The following SMG1 variants were observed in gnomAD, a reference collection of about 807,000 sequenced individuals.
SMG1 encodes SMG1 nonsense mediated mRNA decay associated PI3K related kinase.
In SMG1, 22 loss-of-function variants were observed where a neutral mutation model predicts 419.9. That is an observed-to-expected ratio of 0.05 (90% CI 0.04 to 0.07). SMG1 has a LOEUF of 0.07. SMG1 is among the 10% of genes least tolerant of loss of function. SMG1 has a pLI of 1.00. For missense variants in SMG1, 3,185 were observed against 4,342.0 expected, an observed-to-expected ratio of 0.73 and a Z score of 7.49; for synonymous variants, 1,538 against 1,553.5, an observed-to-expected ratio of 0.99 and a Z score of 0.23.
At chr16:18,875,766 G>A in intron 13 of SMG1, 1 of 311,990 alleles carries the variant, frequency 3.2e-6, no homozygotes, top group Non-Finnish European at 5.8e-6. Context: ...AGTACCAGGG[G>A]AAGAAGAAAG....
chr16:18,876,452 T>C, intron 12 of SMG1, 59 bp from the exon 13 acceptor site: 3 of 1,506,984 alleles, frequency 2.0e-6, no homozygotes, highest in South Asian at 1.2e-5. Context: ...TAAAATTATA[T>C]GGAAAATAAA....
intron 1 of SMG1, among the ~76,000 whole-genome samples, chr16:18,923,005 G>C (rs1488913867): frequency 6.6e-6 from 1 of 152,146 alleles, no homozygotes; most frequent in Non-Finnish European, 1.5e-5. Context: ...TTGAGCCTGG[G>C]AGGTCGAGAC....
intron 1 of SMG1, among the ~76,000 whole-genome samples, chr16:18,920,070 G>A (rs907864068): frequency 4.0e-4 from 60 of 150,480 alleles, no homozygotes; most frequent in African/African-American, 1.4e-3. Context: ...CAGCCTGGGA[G>A]ACAGAGTAAA....
In SMG1 at chr16:18,819,659, A is replaced by G; in HGVS notation, c.9742-5T>C. ...TTCAAGTGCAGCTAGCTTCTCCTAT[A>G]AAAGCCAGCAGAATCTTGGTGAAGG... On this transcript the variant is annotated splice_region_variant and splice_polypyrimidine_tract_variant and intron_variant, in intron 55 of 62. Transcript: ENST00000446231. 1 of 1,548,570 alleles carries G rather than the reference A, an allele frequency of 6.5e-7. No individual in the cohort carries two copies. The highest frequency in any genetic ancestry group is 8.7e-7 in the Non-Finnish European group (1 of 1,148,106).
At chr16:18,866,384 T>C (rs1042259432) in intron 23 of SMG1, 2 of 553,036 alleles carry the variant, frequency 3.6e-6, no homozygotes, top group Non-Finnish European at 6.5e-6. Context: ...ATAAAATAAC[T>C]GACAGGTCTT....
chr16:18,872,987 C>T (rs1282580575), intron 13 of SMG1, among the ~76,000 whole-genome samples: 2 of 151,970 alleles, frequency 1.3e-5, no homozygotes, highest in Admixed American at 1.3e-4. Flanking sequence ...GACCCCATCT[C>T]TACTAAAATT....
intron 6 of SMG1, among the ~76,000 whole-genome samples, chr16:18,888,100 A>T (rs1328602733): frequency 7.0e-6 from 1 of 142,928 alleles, no homozygotes; most frequent in African/African-American, 2.6e-5. Context: ...GGGAGGCAGA[A>T]GTTGCAGTGA....
chr16:18,837,726 G>C (rs966718506), intron 45 of SMG1, among the ~76,000 whole-genome samples: 1 of 152,106 alleles, frequency 6.6e-6, no homozygotes, highest in Non-Finnish European at 1.5e-5. Flanking sequence ...TCCAATTAAA[G>C]AACATTTACA....
intron 25 of SMG1, among the ~76,000 whole-genome samples, chr16:18,861,798 T>C (rs180783917): frequency 4.1e-4 from 63 of 152,076 alleles, no homozygotes; most frequent in East Asian, 3.7e-3. Flanking sequence ...AACAAACAAA[T>C]AAACAAAAAA....
At chr16:18,813,258 A>C (rs2076047070) in intron 60 of SMG1, among the ~76,000 whole-genome samples, 2 of 152,214 alleles carry the variant, frequency 1.3e-5, no homozygotes, top group Non-Finnish European at 2.9e-5. Flanking sequence ...GACTTCCACA[A>C]TGGTTAAACT....
chr16:18,846,208 A>T (rs1017644310), intron 38 of SMG1, among the ~76,000 whole-genome samples: 17 of 152,200 alleles, frequency 1.1e-4, no homozygotes, highest in African/African-American at 3.6e-4. Flanking sequence ...TGATATCAAC[A>T]TGCAAAAGAA....
intron 36 of SMG1, among the ~76,000 whole-genome samples, chr16:18,848,829 T>G (rs66993176): frequency 6.6e-6 from 1 of 151,488 alleles, no homozygotes; most frequent in Non-Finnish European, 1.5e-5. Flanking sequence ...TCCTATCACT[T>G]TGGGAGGCCG....
intron 1 of SMG1, among the ~76,000 whole-genome samples, chr16:18,918,258 C>G (rs1373676865): frequency 6.6e-6 from 1 of 152,028 alleles, no homozygotes; most frequent in Non-Finnish European, 1.5e-5. Context: ...AGCAAAAACT[C>G]CGTCTCCAAA....
intron 55 of SMG1, among the ~76,000 whole-genome samples, chr16:18,820,120 C>G (rs532975433): frequency 6.6e-6 from 1 of 152,148 alleles, no homozygotes; most frequent in Non-Finnish European, 1.5e-5. Context: ...CACCTGCCAT[C>G]GTGCCTGGCT....
chr16:18,879,498 C>A lies in SMG1; in HGVS notation c.1515G>T (p.Thr505=). ...AGGAAAAGAATAATTCACATACCAG[C>A]GTGAGTAAATTCAAGACTGAGATGA... ...DYIISVLNLL[T]LIVEQINTKL... is the part of the protein sequence containing the mutation. The change falls in exon 11 of 63, where the codon ACG becomes ACT. Residue 505 remains threonine, a synonymous_variant. Transcript: ENST00000446231. The A allele has an allele frequency of 1.2e-6, 1 of 802,178 alleles. No individual in the cohort carries two copies. The highest frequency in any genetic ancestry group is 1.5e-5 in the South Asian group (1 of 68,000). The allele number at this position is 802,178 out of a possible 1,614,324, so 49.7% of individuals were successfully genotyped here. A position where few individuals can be genotyped will look rare whatever the true frequency, so the allele number is the denominator to read the frequency against.
At chr16:18,814,585 A>AT (rs1174147579) in intron 60 of SMG1, among the ~76,000 whole-genome samples, 1 of 151,632 alleles carries the variant, frequency 6.6e-6, no homozygotes, top group Non-Finnish European at 1.5e-5. Context: ...GAGTTGTTTC[A>AT]TTTTTTTGAG....
intron 23 of SMG1, 183 bp downstream of exon 23, chr16:18,866,438 A>C (rs2035511084): frequency 1.6e-6 from 1 of 626,738 alleles, no homozygotes. Context: ...TAAGAAAGGC[A>C]CTCAAGTATT....
chr16:18,891,049 C>G, intron 4 of SMG1, 128 bp from the exon 5 acceptor site: 3 of 648,280 alleles, frequency 4.6e-6, no homozygotes, highest in Non-Finnish European at 8.4e-6. Flanking sequence ...TTATTATTCC[C>G]ACTCCCCAAT....
At chr16:18,818,516 T>C (rs988277014) in intron 56 of SMG1, among the ~76,000 whole-genome samples, 1 of 152,212 alleles carries the variant, frequency 6.6e-6, no homozygotes, top group South Asian at 2.1e-4. Flanking sequence ...TAAAGGGACA[T>C]ACCACCATGC....
Sources: allele counts gnomAD v4.1 joint callset (sites outside exome capture counted in the v4.1 genomes callset), GRCh38; gene constraint gnomAD v4.1.1; transcripts MANE v1.5; gene names NCBI Gene and HGNC (gene_info 2026-07-23, HGNC 2026-07-21).